CT55: variants seen among roughly 807,000 people sequenced by gnomAD.
CT55 encodes BRCA2-interacting protein.
CT55 carries 1 observed loss-of-function variant against 12.6 expected under a neutral mutation model. The observed-to-expected ratio is 0.08, with a 90% CI of 0.03 to 0.38. CT55 has a LOEUF of 0.38. Ranked by LOEUF, CT55 falls within the 10% of genes least tolerant of loss-of-function variation. The pLI, the probability that CT55 is intolerant of heterozygous loss-of-function variation, is 0.99. For missense variants in CT55, 109 were observed against 135.4 expected (o/e 0.80, Z 0.97); for synonymous variants, 43 against 49.7 (o/e 0.87, Z 0.57).
At chrX:135,161,251 C>T (rs1556405133) in intron 2 of CT55, among the ~76,000 whole-genome samples, 1 of 111,520 alleles carries the variant, frequency 9.0e-6, no homozygotes, top group South Asian at 3.8e-4. Context: ...TGTAATAGTC[C>T]TTATTTTATA....
chrX:135,171,821 G>A (rs2148446197), upstream of CT55, among the ~76,000 whole-genome samples: 1 of 111,847 alleles, frequency 8.9e-6, no homozygotes, highest in Non-Finnish European at 1.9e-5. Context: ...TGTGTACTAG[G>A]ACTGCCATTT....
rs1362176397 is a variant in CT55 at position 135,161,580 on chromosome X, C to T, written c.280-1025G>A. ...TAGGGAATCCCAATTAATGGATGTG[C>T]CGTAATTTACTAACCCAATTTCACA... On this transcript the variant is annotated intron_variant, in intron 2 of 5. Transcript: ENST00000276241. 2.7e-5 allele frequency among the ~76,000 whole-genome samples: 3 copies of T among 112,006 alleles called. No individual in the cohort carries two copies. The Admixed American group carries it at 2.8e-4, about 11-fold the overall frequency.
At chrX:135,164,918 C>T (rs1467864320) in intron 2 of CT55, among the ~76,000 whole-genome samples, 1 of 111,767 alleles carries the variant, frequency 8.9e-6, no homozygotes, top group African/African-American at 3.3e-5. Context: ...CATAGCAGCA[C>T]CTAAATATAT....
chrX:135,169,513 C>T (rs2083601265), intron 2 of CT55, 81 bp downstream of exon 2: 4 of 791,382 alleles, frequency 5.1e-6, no homozygotes, highest in South Asian at 5.9e-5. Flanking sequence ...GCAGAGATGT[C>T]GGATTAACTC....
At chrX:135,168,999 T>C (rs1313776054) in intron 2 of CT55, among the ~76,000 whole-genome samples, 1 of 112,287 alleles carries the variant, frequency 8.9e-6, no homozygotes, top group Non-Finnish European at 1.9e-5. Context: ...TTCAGATCGA[T>C]AGTATTGTTG....
At chrX:135,157,894 A>G (rs2083543712) in intron 4 of CT55, among the ~76,000 whole-genome samples, 2 of 62,285 alleles carry the variant, frequency 3.2e-5, no homozygotes, top group Admixed American at 4.1e-4. Flanking sequence ...CTTTCCCTAT[A>G]GTTTTCTGGC....
At chrX:135,163,462 A>G (rs1460893106) in intron 2 of CT55, among the ~76,000 whole-genome samples, 2 of 111,910 alleles carry the variant, frequency 1.8e-5, no homozygotes, top group African/African-American at 3.2e-5. Flanking sequence ...ATTGAGCAAA[A>G]GAAAGAATCT....
At chrX:135,161,906 C>G (rs1358003326) in intron 2 of CT55, among the ~76,000 whole-genome samples, 3 of 112,433 alleles carry the variant, frequency 2.7e-5, no homozygotes, top group Admixed American at 9.4e-5. Context: ...CGTCAGTATC[C>G]CAGTGGATGA....
chrX:135,167,897 G>A (rs1215898842), intron 2 of CT55, among the ~76,000 whole-genome samples: 3 of 111,187 alleles, frequency 2.7e-5, no homozygotes, highest in Non-Finnish European at 3.8e-5. Context: ...CAGAGATACC[G>A]AGTCACGCAT....
intron 2 of CT55, among the ~76,000 whole-genome samples, chrX:135,167,431 C>T (rs2083590796): frequency 1.8e-5 from 2 of 111,578 alleles, no homozygotes; most frequent in African/African-American, 6.5e-5. Context: ...TATCTCTCAG[C>T]GTGTATATAA....
chrX:135,165,332 A>C (rs1197172050), intron 2 of CT55, among the ~76,000 whole-genome samples: 2 of 112,082 alleles, frequency 1.8e-5, no homozygotes, highest in African/African-American at 3.2e-5. Context: ...CTAAATAACC[A>C]ATGGGTCAAT....
At chrX:135,170,514 T>C (rs1330342686) in intron 1 of CT55, among the ~76,000 whole-genome samples, 2 of 111,792 alleles carry the variant, frequency 1.8e-5, no homozygotes, top group Non-Finnish European at 3.8e-5. Context: ...CTAAAAGATA[T>C]CTGGAGATTG....
chrX:135,166,570 C>T (rs1465163609), intron 2 of CT55, among the ~76,000 whole-genome samples: 1 of 111,775 alleles, frequency 8.9e-6, no homozygotes, highest in Non-Finnish European at 1.9e-5. Flanking sequence ...CCACTTTTGC[C>T]CTTTCTATCG....
chrX:135,160,594 C>CA (rs782509121), intron 2 of CT55, 39 bp from the exon 3 acceptor site: 3 of 1,151,330 alleles, frequency 2.6e-6, no homozygotes. Flanking sequence ...AAAAACAATA[C>CA]AAATTTAAAC....
At position 135,166,036 on chromosome X, in the gene CT55, CAAAAAAAAAAAAA is replaced by C. The variant is rs56051595; in HGVS notation, c.279+3545_279+3557del. Among the ~76,000 whole-genome samples, 14 of 36,055 alleles carry C rather than the reference CAAAAAAAAAAAAA, an allele frequency of 3.9e-4. No individual in the cohort carries two copies. In the East Asian group the frequency reaches 0.011, roughly 29 times the overall value. 31.3% of individuals were successfully genotyped at this position (36,055 alleles called of 115,157 possible). On this transcript the variant is annotated intron_variant, in intron 2 of 5. Coordinates refer to ENST00000276241, the MANE Select transcript of CT55 (RefSeq NM_001031705.3). ...AATAGCTATACTTTTAAACCTATTCCAAAAAAAAAAAAAAAAAAAAAAAAAAAACGGACAAGAG... is the reference window on the plus strand; with the variant it reads ...AATAGCTATACTTTTAAACCTATTCCAAAAAAAAAAAAAAACGGACAAGAG...
At chrX:135,160,873 G>T (rs782449881) in intron 2 of CT55, among the ~76,000 whole-genome samples, 6 of 111,837 alleles carry the variant, frequency 5.4e-5, no homozygotes, top group Non-Finnish European at 9.4e-5. Flanking sequence ...AAGTGGAAAG[G>T]TATATAGTCA....
intron 2 of CT55, among the ~76,000 whole-genome samples, chrX:135,166,768 C>T (rs1187523899): frequency 9.0e-6 from 1 of 111,658 alleles, no homozygotes; most frequent in Non-Finnish European, 1.9e-5. Context: ...GCATGAGACA[C>T]AACCAACATA....
In CT55 at chrX:135,169,589, C is replaced by A; in HGVS notation, c.279+5G>T. On this transcript the variant is annotated splice_donor_5th_base_variant and intron_variant, in intron 2 of 5. Transcript: ENST00000276241. ...ACACAATTCCCAAACTCATGCACAT[C>A]TCACCTTGATTGCTCTCAATCCATA... The A allele has an allele frequency of 8.4e-7, 1 of 1,191,765 alleles. No homozygotes were observed. Among genetic ancestry groups the A allele is most frequent in the South Asian group, 1.9e-5 (1 of 53,612 alleles).
At chrX:135,170,649 G>A (rs781941054) in intron 1 of CT55, among the ~76,000 whole-genome samples, 3 of 110,610 alleles carry the variant, frequency 2.7e-5, no homozygotes, top group Non-Finnish European at 5.7e-5. Context: ...CTCAGCAGTC[G>A]CCGGCAGGGG....
Sources: allele counts gnomAD v4.1 joint callset (sites outside exome capture counted in the v4.1 genomes callset), GRCh38; gene constraint gnomAD v4.1.1; transcripts MANE v1.5; gene names NCBI Gene and HGNC (gene_info 2026-07-23, HGNC 2026-07-21).